NPHP1: variants seen among roughly 807,000 people sequenced by gnomAD.
NPHP1 encodes nephrocystin 1, also known as nephrocystin-1.
Under a neutral mutation model 90.4 loss-of-function variants are expected in NPHP1, and 70 were observed. That is an observed-to-expected ratio of 0.77 (90% CI 0.64 to 0.95). NPHP1 has a LOEUF of 0.95. Among genes scored for constraint, NPHP1 ranks in the 40% least tolerant of loss-of-function variants. The probability of loss-of-function intolerance (pLI) is 0.00; values close to 1 mark genes in which losing one functional copy is unlikely to be tolerated. For missense variants in NPHP1, 764 were observed against 795.9 expected (o/e 0.96, Z 0.48); for synonymous variants, 256 against 271.7 (o/e 0.94, Z 0.57).
intron 19 of NPHP1, 89 bp downstream of exon 19, chr2:110,125,548 C>T (rs1171241740): frequency 4.5e-6 from 6 of 1,333,878 alleles, no homozygotes; most frequent in Non-Finnish European, 5.4e-6. Context: ...ACTATGGCTA[C>T]TTTTGCTAAA....
chr2:110,197,813 A>G (rs1685273509), intron 2 of NPHP1, among the ~76,000 whole-genome samples: 1 of 152,184 alleles, frequency 6.6e-6, no homozygotes, highest in African/African-American at 2.4e-5. Flanking sequence ...TACTTGACCA[A>G]AAAAATCTCT....
At chr2:110,184,483 C>T in intron 2 of NPHP1, 1 of 864,980 alleles carries the variant, frequency 1.2e-6, no homozygotes, top group Non-Finnish European at 1.9e-6. Flanking sequence ...TCCATGTAAG[C>T]TGTGCTCAGC....
intron 4 of NPHP1, among the ~76,000 whole-genome samples, chr2:110,176,713 G>C (rs1683536931): frequency 6.6e-6 from 1 of 152,072 alleles, no homozygotes. Flanking sequence ...TTACTCTCAG[G>C]GTGTTTTCTT....
intron 4 of NPHP1, among the ~76,000 whole-genome samples, chr2:110,173,421 A>G (rs1391428174): frequency 2.6e-5 from 4 of 152,274 alleles, no homozygotes; most frequent in South Asian, 2.1e-4. Flanking sequence ...ATGTATTTAC[A>G]TAATACATAC....
chr2:110,167,611 A>G (rs1039282464), intron 6 of NPHP1, among the ~76,000 whole-genome samples: 6 of 152,226 alleles, frequency 3.9e-5, no homozygotes, highest in East Asian at 1.9e-4. Flanking sequence ...AAATGCAAGG[A>G]AAGTGTTTTC....
chr2:110,144,282 T>C lies in NPHP1; in HGVS notation c.1429+211A>G, dbSNP rs1221090009. 1.2e-5 allele frequency: 7 copies of C among 560,364 alleles called. No homozygotes were observed. In the Middle Eastern group the frequency reaches 1.5e-3, roughly 117 times the overall value. 34.7% of individuals were successfully genotyped at this position (560,364 alleles called of 1,614,324 possible). A position where few individuals can be genotyped will look rare whatever the true frequency, so the allele number is the denominator to read the frequency against. On this transcript the variant is annotated intron_variant, in intron 15 of 19. Transcript: ENST00000445609. Reference sequence around the variant, plus strand: ...CTAATGCATTAGTTCTCATTCTTCATGATTTCATTCTTCATGATGTCTTAG... The same window carrying C: ...CTAATGCATTAGTTCTCATTCTTCACGATTTCATTCTTCATGATGTCTTAG...
intron 11 of NPHP1, among the ~76,000 whole-genome samples, chr2:110,155,882 T>TG (rs1185801944): frequency 6.6e-6 from 1 of 152,044 alleles, no homozygotes; most frequent in Non-Finnish European, 1.5e-5. Context: ...GTTAAGACTT[T>TG]GGGGGACTGT....
intron 11 of NPHP1, among the ~76,000 whole-genome samples, chr2:110,150,927 A>G (rs915938119): frequency 1.3e-5 from 2 of 149,608 alleles, no homozygotes; most frequent in Admixed American, 6.7e-5. Context: ...GCACTTTGGG[A>G]GGTTGAGGCA....
intron 17 of NPHP1, among the ~76,000 whole-genome samples, chr2:110,130,344 C>T (rs1161532623): frequency 6.6e-6 from 1 of 152,114 alleles, no homozygotes; most frequent in African/African-American, 2.4e-5. Flanking sequence ...TGATTAAATT[C>T]AAATGAAGTC....
At chr2:110,189,777 A>G (rs970851764) in intron 2 of NPHP1, among the ~76,000 whole-genome samples, 2 of 152,096 alleles carry the variant, frequency 1.3e-5, no homozygotes, top group African/African-American at 2.4e-5. Flanking sequence ...TCCCCACTAG[A>G]TTAGCTAGAT....
At chr2:110,190,915 C>G (rs1684674621) in intron 2 of NPHP1, among the ~76,000 whole-genome samples, 2 of 152,128 alleles carry the variant, frequency 1.3e-5, no homozygotes, top group South Asian at 4.1e-4. Flanking sequence ...AGTGACACTT[C>G]TCAAAAGACA....
chr2:110,124,305 A>G (rs1202246372), intron 19 of NPHP1: 5 of 578,590 alleles, frequency 8.6e-6, no homozygotes, highest in African/African-American at 5.6e-5. Context: ...CCATGAGACC[A>G]GGGTGTCTCC....
chr2:110,178,663 T>C, intron 3 of NPHP1, 116 bp from the exon 4 acceptor site: 1 of 830,384 alleles, frequency 1.2e-6, no homozygotes, highest in Non-Finnish European at 1.9e-6. Flanking sequence ...CAGTGTGACA[T>C]TACACCTATC....
rs1179641527 is a variant in NPHP1 at position 110,201,410 on chromosome 2, G to A, written c.143+11C>T. On this transcript the variant is annotated intron_variant, in intron 2 of 19. Coordinates refer to ENST00000445609, the MANE Select transcript of NPHP1 (RefSeq NM_001128178.3). The stretch of plus-strand genomic sequence containing the variant: ...GTTCCTGTAAAGCTTATATAATTTA[G>A]CATACTTTACCTTTGATAAATATGT... 6.4e-7 allele frequency: 1 copy of A among 1,551,948 alleles called. No homozygotes were observed. The highest frequency in any genetic ancestry group is 2.2e-5 in the East Asian group (1 of 44,578).
intron 16 of NPHP1, among the ~76,000 whole-genome samples, chr2:110,141,934 C>T (rs1429786424): frequency 2.1e-5 from 3 of 145,752 alleles, no homozygotes; most frequent in Admixed American, 7.1e-5. Context: ...GATGGTGCCA[C>T]TGCACTCCAG....
chr2:110,131,292 T>C (rs1177671384), intron 17 of NPHP1, among the ~76,000 whole-genome samples: 1 of 152,204 alleles, frequency 6.6e-6, no homozygotes, highest in African/African-American at 2.4e-5. Flanking sequence ...TTGATACTTA[T>C]ACTTCATGCA....
intron 10 of NPHP1, 88 bp from the exon 11 acceptor site, chr2:110,160,343 T>C (rs1682220012): frequency 7.4e-6 from 8 of 1,087,166 alleles, no homozygotes; most frequent in East Asian, 5.1e-5. Flanking sequence ...TGAAAATGTA[T>C]ACAGAATTTT....
chr2:110,130,621 T>C (rs1679708575), intron 17 of NPHP1, among the ~76,000 whole-genome samples: 1 of 152,164 alleles, frequency 6.6e-6, no homozygotes, highest in Non-Finnish European at 1.5e-5. Flanking sequence ...ATGTTATTTG[T>C]CCACAAGTGC....
At chr2:110,156,564 A>T (rs1377131003) in intron 11 of NPHP1, among the ~76,000 whole-genome samples, 1 of 152,128 alleles carries the variant, frequency 6.6e-6, no homozygotes, top group Non-Finnish European at 1.5e-5. Flanking sequence ...CAGTGGACTA[A>T]AGGCTTGAGG....
Sources: allele counts gnomAD v4.1 joint callset (sites outside exome capture counted in the v4.1 genomes callset), GRCh38; gene constraint gnomAD v4.1.1; transcripts MANE v1.5; gene names NCBI Gene and HGNC (gene_info 2026-07-23, HGNC 2026-07-21).